The following ZDHHC15 variants were observed in gnomAD, a reference collection of about 807,000 sequenced individuals.
ZDHHC15 encodes the protein palmitoyltransferase ZDHHC15.
ZDHHC15 carries 19 observed loss-of-function variants against 31.7 expected under a neutral mutation model. The ratio of observed to expected loss-of-function variants is 0.60; its 90% confidence interval spans 0.42 to 0.88. ZDHHC15 has a LOEUF of 0.88. ZDHHC15 is among the 40% of genes least tolerant of loss of function. The pLI is 0.00. For synonymous variants in ZDHHC15, 103 were observed against 90.0 expected, an observed-to-expected ratio of 1.14 and a Z score of -0.82; for missense variants, 209 against 251.2, an observed-to-expected ratio of 0.83 and a Z score of 1.14.
At chrX:75,463,240 T>A (rs1486171201) in intron 3 of ZDHHC15, among the ~76,000 whole-genome samples, 1 of 110,391 alleles carries the variant, frequency 9.1e-6, no homozygotes, top group South Asian at 3.9e-4. Context: ...CAATAATGAG[T>A]TCTGAATTTG....
At chrX:75,456,465 C>T (rs767304044) in intron 3 of ZDHHC15, among the ~76,000 whole-genome samples, 21 of 110,586 alleles carry the variant, frequency 1.9e-4, no homozygotes, top group Middle Eastern at 4.7e-3. Flanking sequence ...AACAAACCTG[C>T]ACGTTGTGAA....
chrX:75,402,311 C>T (rs1162861085), intron 10 of ZDHHC15, among the ~76,000 whole-genome samples: 2 of 110,992 alleles, frequency 1.8e-5, no homozygotes, highest in Non-Finnish European at 3.8e-5. Context: ...AATTAACAAC[C>T]TAACATAACA....
chrX:75,495,004 G>A (rs1469176091), intron 2 of ZDHHC15, among the ~76,000 whole-genome samples: 2 of 111,519 alleles, frequency 1.8e-5, no homozygotes, highest in Non-Finnish European at 3.8e-5. Flanking sequence ...GCAACCTACA[G>A]AATGGGAGAA....
chrX:75,406,271 A>G (rs757998685), intron 10 of ZDHHC15, among the ~76,000 whole-genome samples: 2 of 111,742 alleles, frequency 1.8e-5, no homozygotes, highest in South Asian at 3.7e-4. Context: ...AAAGAACGTA[A>G]CCATGCACCT....
intron 9 of ZDHHC15, 83 bp from the exon 10 acceptor site, chrX:75,417,273 G>T: frequency 1.5e-6 from 1 of 647,146 alleles, no homozygotes; most frequent in South Asian, 2.9e-5. Flanking sequence ...AACAAGAGGG[G>T]GGTTCTTAGC....
intron 1 of ZDHHC15, among the ~76,000 whole-genome samples, chrX:75,510,630 G>C (rs2148058697): frequency 2.2e-5 from 2 of 92,093 alleles, no homozygotes; most frequent in South Asian, 1.2e-3. Context: ...CATTGTGCAG[G>C]TTAGTTACAT....
chrX:75,424,674 G>C lies in ZDHHC15; in HGVS notation c.714C>G (p.Val238=). Reference sequence around the variant, plus strand: ...TACCTAAGGTGGTTTTGTTTCTGCTGACAAGCCAACAATGGTAACCAAAGA... The same window carrying C: ...TACCTAAGGTGGTTTTGTTTCTGCTCACAAGCCAACAATGGTAACCAAAGA... ...VILFGYHCWL[V]SRNKTTLEAF... is the part of the protein sequence containing the mutation. Residue 238 remains valine (V), a synonymous_variant, in exon 8 of 12, where the codon GTC becomes GTG. Transcript: ENST00000373367. The C allele has an allele frequency of 8.3e-7, 1 of 1,200,862 alleles. No individual in the cohort carries two copies. The highest frequency in any genetic ancestry group is 1.1e-6 in the Non-Finnish European group (1 of 891,681).
chrX:75,474,570 T>C, intron 3 of ZDHHC15, among the ~76,000 whole-genome samples: 1 of 16,114 alleles, frequency 6.2e-5, no homozygotes, highest in Non-Finnish European at 1.5e-4. Context: ...ATAATCCCCT[T>C]TATACACACA....
chrX:75,485,060 G>C (rs1346343156), intron 2 of ZDHHC15, among the ~76,000 whole-genome samples: 1 of 111,508 alleles, frequency 9.0e-6, no homozygotes, highest in Non-Finnish European at 1.9e-5. Flanking sequence ...GATGAAGAGT[G>C]AGAGGGTTTC....
At chrX:75,492,117 AC>A (rs931291624) in intron 2 of ZDHHC15, among the ~76,000 whole-genome samples, 3 of 111,369 alleles carry the variant, frequency 2.7e-5, no homozygotes, top group African/African-American at 9.8e-5. Flanking sequence ...CAACTGGAAA[AC>A]AAAAAAAGGC....
chrX:75,405,512 G>A (rs1462178552), intron 10 of ZDHHC15, among the ~76,000 whole-genome samples: 1 of 111,422 alleles, frequency 9.0e-6, no homozygotes, highest in Non-Finnish European at 1.9e-5. Context: ...AAGATCAGGA[G>A]TAACTTACTC....
intron 2 of ZDHHC15, chrX:75,502,011 C>A (rs1250791198): frequency 8.9e-6 from 1 of 111,854 alleles, no homozygotes; most frequent in Admixed American, 9.5e-5. Context: ...GATATTTCTA[C>A]ACTTTGGATT....
intron 10 of ZDHHC15, among the ~76,000 whole-genome samples, chrX:75,400,796 C>T (rs1485527401): frequency 1.8e-5 from 2 of 111,605 alleles, no homozygotes; most frequent in Non-Finnish European, 3.8e-5. Flanking sequence ...AGCTGAAACC[C>T]TATGAGCCAG....
At chrX:75,522,502 T>C (rs957944848) in intron 1 of ZDHHC15, among the ~76,000 whole-genome samples, 2 of 111,638 alleles carry the variant, frequency 1.8e-5, no homozygotes, top group South Asian at 3.8e-4. Flanking sequence ...GTGAGATTCC[T>C]AGTGTGAGCA....
intron 4 of ZDHHC15, among the ~76,000 whole-genome samples, chrX:75,433,302 T>A (rs770094151): frequency 1.8e-4 from 20 of 110,811 alleles, no homozygotes; most frequent in Non-Finnish European, 3.4e-4. Context: ...TTTCAATAGG[T>A]TTTTGGGGAA....
chrX:75,484,992 A>G lies in ZDHHC15; in HGVS notation c.164-6007T>C, dbSNP rs761966573. ...GGCTCCATACTGTATGATTCAATTT[A>G]TATAACTATGGGAAAGGTAAAACTA... On this transcript the variant is annotated intron_variant, in intron 2 of 11. Transcript: ENST00000373367. 8.0e-5 allele frequency among the ~76,000 whole-genome samples: 9 copies of G among 112,059 alleles called. No homozygotes were observed. The East Asian group carries it at 1.4e-3, about 18-fold the overall frequency.
At position 75,415,106 on chromosome X, in the gene ZDHHC15, TA is replaced by T. The variant is rs201725029; in HGVS notation, c.967+1980del. Among the ~76,000 whole-genome samples the T allele has an allele frequency of 2.6e-4, 29 of 111,630 alleles. No homozygotes were observed. The East Asian group carries it at 8.2e-3, about 31-fold the overall frequency. On this transcript the variant is annotated intron_variant, in intron 10 of 11. Coordinates refer to ENST00000373367, the MANE Select transcript of ZDHHC15 (RefSeq NM_144969.3). ...CACATTTATACTAAATGAAATGTTA[TA>T]TTTTGGGCTAGGAATAAAAATTCCA...
chrX:75,437,660 C>T (rs1398009877), intron 4 of ZDHHC15, among the ~76,000 whole-genome samples: 1 of 104,924 alleles, frequency 9.5e-6, no homozygotes, highest in East Asian at 3.0e-4. Context: ...TGTATATGTG[C>T]CACATTTTCT....
At chrX:75,482,252 C>T (rs975727847) in intron 2 of ZDHHC15, among the ~76,000 whole-genome samples, 1 of 111,343 alleles carries the variant, frequency 9.0e-6, no homozygotes, top group Non-Finnish European at 1.9e-5. Flanking sequence ...CAAACCTGCA[C>T]ATGTACCCCC....
Sources: gnomAD v4.1 joint callset for allele counts (sites outside exome capture counted in the v4.1 genomes callset) on GRCh38, gnomAD v4.1.1 for gene constraint, MANE v1.5 for transcripts, NCBI Gene and HGNC (gene_info 2026-07-23, HGNC 2026-07-21) for gene names.